SIL1: variants seen among roughly 807,000 people sequenced by gnomAD.
The protein encoded by SIL1 is nucleotide exchange factor SIL1.
In SIL1, 40 loss-of-function variants were observed where a neutral mutation model predicts 49.1. That is an observed-to-expected ratio of 0.81 (90% confidence interval 0.63 to 1.06). The LOEUF is 1.06. Among genes scored for constraint, SIL1 ranks in the 50% least tolerant of loss-of-function variants. The pLI, the probability that SIL1 is intolerant of heterozygous loss-of-function variation, is 0.00. For missense variants in SIL1, 500 were observed against 572.6 expected (o/e 0.87, Z 1.29); for synonymous variants, 253 against 250.8 (o/e 1.01, Z -0.08).
intron 3 of SIL1, among the ~76,000 whole-genome samples, chr5:139,112,489 C>G (rs533436290): frequency 2.6e-5 from 4 of 151,836 alleles, no homozygotes; most frequent in African/African-American, 9.7e-5. Flanking sequence ...CGCCTCTGCC[C>G]GGCCGCGACC....
At chr5:139,123,382 C>G (rs1189988180) in intron 2 of SIL1, among the ~76,000 whole-genome samples, 7 of 152,182 alleles carry the variant, frequency 4.6e-5, no homozygotes, top group Admixed American at 4.6e-4. Flanking sequence ...CTTCATCACC[C>G]CCATGCCTAG....
At chr5:138,962,650 A>G (rs1767045830) in intron 7 of SIL1, among the ~76,000 whole-genome samples, 1 of 152,248 alleles carries the variant, frequency 6.6e-6, no homozygotes, top group African/African-American at 2.4e-5. Context: ...CTGCTAAGAC[A>G]GAATGCCAGG....
intron 3 of SIL1, among the ~76,000 whole-genome samples, chr5:139,092,012 A>T (rs914455393): frequency 3.3e-5 from 5 of 152,230 alleles, no homozygotes; most frequent in Non-Finnish European, 7.3e-5. Flanking sequence ...GCAGACAGGC[A>T]GAGCTAAGGA....
chr5:139,098,639 C>T (rs908148989), intron 3 of SIL1, among the ~76,000 whole-genome samples: 14 of 151,954 alleles, frequency 9.2e-5, no homozygotes, highest in African/African-American at 2.7e-4. Context: ...AGGAAACAAT[C>T]GACAAGGTGA....
At chr5:139,143,663 C>G (rs116430753) in intron 1 of SIL1, among the ~76,000 whole-genome samples, 2 of 152,106 alleles carry the variant, frequency 1.3e-5, no homozygotes, top group Admixed American at 6.6e-5. Flanking sequence ...TAAGCCACCA[C>G]GCCCAGCCAA....
chr5:139,169,350 G>C (rs990482030), intron 1 of SIL1, among the ~76,000 whole-genome samples: 1 of 152,092 alleles, frequency 6.6e-6, no homozygotes, highest in African/African-American at 2.4e-5. Flanking sequence ...AAAGGCAAAA[G>C]ATCTGCTTTC....
At chr5:138,952,423 G>A (rs987732425) in intron 7 of SIL1, among the ~76,000 whole-genome samples, 8 of 152,238 alleles carry the variant, frequency 5.3e-5, no homozygotes, top group South Asian at 2.1e-4. Context: ...CAGGAAGAAA[G>A]TGCAAGAGAC....
At chr5:139,143,149 C>A (rs984226702) in intron 1 of SIL1, among the ~76,000 whole-genome samples, 5 of 151,352 alleles carry the variant, frequency 3.3e-5, no homozygotes, top group Non-Finnish European at 5.9e-5. Context: ...AAAAGGCATC[C>A]ATATTGGAAA....
At chr5:138,950,545 T>A (rs1766746666) in intron 9 of SIL1, among the ~76,000 whole-genome samples, 3 of 152,210 alleles carry the variant, frequency 2.0e-5, no homozygotes. Context: ...GGGGAGCGTG[T>A]GGCCCGAGAG....
At chr5:139,156,879 G>A (rs989587895) in intron 1 of SIL1, among the ~76,000 whole-genome samples, 1 of 152,202 alleles carries the variant, frequency 6.6e-6, no homozygotes, top group African/African-American at 2.4e-5. Flanking sequence ...CCAAGTTTGT[G>A]TTCATCTGTT....
chr5:139,149,033 G>C (rs1296636565), intron 1 of SIL1, among the ~76,000 whole-genome samples: 1 of 152,048 alleles, frequency 6.6e-6, no homozygotes, highest in Non-Finnish European at 1.5e-5. Flanking sequence ...ACCCTGAAAT[G>C]CAACCACTCC....
chr5:139,178,653 G>A (rs1397339841), intron 1 of SIL1, among the ~76,000 whole-genome samples: 2 of 151,956 alleles, frequency 1.3e-5, no homozygotes, highest in Admixed American at 6.6e-5. Context: ...ATATTTACTC[G>A]AACATCACTT....
intron 3 of SIL1, among the ~76,000 whole-genome samples, chr5:139,053,997 T>C (rs565558950): frequency 6.6e-6 from 1 of 152,360 alleles, no homozygotes; most frequent in East Asian, 1.9e-4. Context: ...TAATTATTTG[T>C]TGGTCAAGTG....
At chr5:139,157,119 A>G (rs1294882579) in intron 1 of SIL1, among the ~76,000 whole-genome samples, 2 of 152,156 alleles carry the variant, frequency 1.3e-5, no homozygotes, top group African/African-American at 2.4e-5. Flanking sequence ...TCTCCCACCA[A>G]CATCACTGCA....
chr5:138,951,185 G>C lies in SIL1; in HGVS notation c.1015C>G (p.Leu339Val). Residue 339 changes from leucine to valine, a missense_variant, in exon 9 of 10, where the codon CTG (leucine) becomes GTG (valine). Leu to Val is a conservative substitution (Grantham distance 32, BLOSUM62 1). Coordinates refer to ENST00000394817, the MANE Select transcript of SIL1 (RefSeq NM_022464.5). ...AVRVVTLLYDLVTEKMFAEEE... is the reference protein window; with the variant it reads ...AVRVVTLLYDVVTEKMFAEEE... ...TGGGCACTCACCTTCTCCGTGACCA[G>C]GTCGTAGAGCAGTGTGACCACGCGC... 2 of 1,611,576 alleles carry C rather than the reference G, an allele frequency of 1.2e-6. No individual in the cohort carries two copies. Among genetic ancestry groups the C allele is most frequent in the South Asian group, 2.2e-5 (2 of 90,294 alleles).
At chr5:139,116,070 G>A (rs1165505880) in intron 3 of SIL1, among the ~76,000 whole-genome samples, 5 of 152,220 alleles carry the variant, frequency 3.3e-5, no homozygotes, top group Admixed American at 1.3e-4. Flanking sequence ...CAGAAACAGT[G>A]TCACAGAGTC....
chr5:139,129,420 C>T (rs1484160687), intron 1 of SIL1, among the ~76,000 whole-genome samples: 1 of 152,120 alleles, frequency 6.6e-6, no homozygotes, highest in Non-Finnish European at 1.5e-5. Context: ...TGTGGTGGCT[C>T]ACGCCTGTAA....
At chr5:139,081,911 T>G (rs1017325851) in intron 3 of SIL1, among the ~76,000 whole-genome samples, 3 of 151,252 alleles carry the variant, frequency 2.0e-5, no homozygotes, top group African/African-American at 7.3e-5. Flanking sequence ...AAAAACACAC[T>G]GAGACCAGCC....
chr5:139,091,314 CAT>C (rs1421702802), intron 3 of SIL1, among the ~76,000 whole-genome samples: 9 of 151,860 alleles, frequency 5.9e-5, no homozygotes, highest in African/African-American at 1.7e-4. Flanking sequence ...AATTTAATAT[CAT>C]AGAGTGTTAA....
Sources: gnomAD v4.1 joint callset for allele counts (sites outside exome capture counted in the v4.1 genomes callset) on GRCh38, gnomAD v4.1.1 for gene constraint, MANE v1.5 for transcripts, NCBI Gene and HGNC (gene_info 2026-07-23, HGNC 2026-07-21) for gene names.